MTUS2: variants seen among roughly 807,000 people sequenced by gnomAD.
MTUS2 encodes the protein microtubule-associated tumor suppressor candidate 2.
MTUS2 carries 40 observed loss-of-function variants against 114.1 expected under a neutral mutation model. The ratio of observed to expected loss-of-function variants is 0.35; its 90% CI spans 0.27 to 0.46. The LOEUF (loss-of-function observed/expected upper bound fraction) is 0.46. Ranked by LOEUF, MTUS2 falls within the 20% of genes least tolerant of loss-of-function variation. The probability of loss-of-function intolerance (pLI) is 1.00; values close to 1 mark genes in which losing one functional copy is unlikely to be tolerated. For synonymous variants in MTUS2, 688 were observed against 672.0 expected (o/e 1.02, Z -0.37); for missense variants, 1,679 against 1,705.4 (o/e 0.98, Z 0.27).
At chr13:29,450,065 G>A (rs1878581343) in intron 9 of MTUS2, among the ~76,000 whole-genome samples, 1 of 152,208 alleles carries the variant, frequency 6.6e-6, no homozygotes, top group Admixed American at 6.5e-5. Context: ...CACTTGGTGT[G>A]ACAGTCATCA....
At chr13:29,383,941 C>T (rs538079264) in intron 8 of MTUS2, among the ~76,000 whole-genome samples, 1 of 152,088 alleles carries the variant, frequency 6.6e-6, no homozygotes, top group African/African-American at 2.4e-5. Context: ...CTCAGCAAAA[C>T]ATATAAAGTA....
chr13:29,415,572 T>C (rs1875604343), intron 8 of MTUS2, among the ~76,000 whole-genome samples: 1 of 152,218 alleles, frequency 6.6e-6, no homozygotes, highest in Non-Finnish European at 1.5e-5. Flanking sequence ...TCTATCCATT[T>C]ATAATTTGCC....
At chr13:29,488,070 A>AGCAG in intron 11 of MTUS2, 65 bp downstream of exon 11, 1 of 1,219,438 alleles carries the variant, frequency 8.2e-7, no homozygotes, top group Non-Finnish European at 1.2e-6. Context: ...TTCCTGCTGC[A>AGCAG]GATGTGTGGA....
chr13:28,863,387 G>A (rs946098908), intron 2 of MTUS2, among the ~76,000 whole-genome samples: 1 of 152,204 alleles, frequency 6.6e-6, no homozygotes, highest in Non-Finnish European at 1.5e-5. Flanking sequence ...TTCCCACCAT[G>A]AGCCTTTATA....
intron 7 of MTUS2, among the ~76,000 whole-genome samples, chr13:29,352,791 CATT>C (rs1163608933): frequency 3.9e-5 from 6 of 152,290 alleles, no homozygotes; most frequent in African/African-American, 1.4e-4. Context: ...TGCCTACTAT[CATT>C]AATGCTGCTA....
intron 6 of MTUS2, among the ~76,000 whole-genome samples, chr13:29,299,863 A>G (rs1020617789): frequency 6.7e-6 from 1 of 149,696 alleles, no homozygotes; most frequent in Non-Finnish European, 1.5e-5. Flanking sequence ...TAAAGACAGC[A>G]TGAAAAAAAA....
intron 8 of MTUS2, among the ~76,000 whole-genome samples, chr13:29,365,915 C>T (rs1870670440): frequency 6.6e-6 from 1 of 152,226 alleles, no homozygotes; most frequent in Non-Finnish European, 1.5e-5. Flanking sequence ...AAAATCATGA[C>T]TCTCTAACAA....
chr13:28,914,625 A>G (rs987073653), intron 2 of MTUS2, among the ~76,000 whole-genome samples: 1 of 152,066 alleles, frequency 6.6e-6, no homozygotes, highest in Non-Finnish European at 1.5e-5. Context: ...AGTTGAGTTC[A>G]GGTCCTGAAT....
intron 9 of MTUS2, among the ~76,000 whole-genome samples, chr13:29,442,050 G>C (rs1421276057): frequency 2.6e-5 from 4 of 152,122 alleles, no homozygotes; most frequent in African/African-American, 9.7e-5. Flanking sequence ...TGACCTTCAG[G>C]TCAGTTCCCA....
chr13:29,320,464 G>A (rs1434239396), intron 6 of MTUS2, among the ~76,000 whole-genome samples: 1 of 152,210 alleles, frequency 6.6e-6, no homozygotes, highest in African/African-American at 2.4e-5. Flanking sequence ...AACAGAATGA[G>A]CTGAAATTGA....
chr13:29,465,128 G>A (rs986445962), intron 9 of MTUS2, among the ~76,000 whole-genome samples: 1 of 152,156 alleles, frequency 6.6e-6, no homozygotes, highest in African/African-American at 2.4e-5. Flanking sequence ...TAGAGCAGCC[G>A]GCACAGAATG....
At chr13:29,111,174 G>A (rs938099159) in intron 5 of MTUS2, among the ~76,000 whole-genome samples, 5 of 152,166 alleles carry the variant, frequency 3.3e-5, no homozygotes, top group South Asian at 2.1e-4. Context: ...GGTGAATAAA[G>A]TAGTTTGGAG....
intron 8 of MTUS2, among the ~76,000 whole-genome samples, chr13:29,370,651 C>T (rs774686969): frequency 6.6e-6 from 1 of 152,164 alleles, no homozygotes; most frequent in Non-Finnish European, 1.5e-5. Context: ...CAGTGCTATG[C>T]TCTTGGACTT....
At chr13:28,977,613 A>G (rs1429220319) in intron 2 of MTUS2, among the ~76,000 whole-genome samples, 1 of 152,194 alleles carries the variant, frequency 6.6e-6, no homozygotes, top group Non-Finnish European at 1.5e-5. Flanking sequence ...GTAGCTTCAC[A>G]TGTACATCAA....
intron 2 of MTUS2, among the ~76,000 whole-genome samples, chr13:28,941,600 A>G (rs1357601567): frequency 3.3e-5 from 5 of 152,106 alleles, no homozygotes; most frequent in Admixed American, 6.5e-5. Context: ...ATAGAAGACA[A>G]CATTTCTGTT....
At chr13:29,415,425 T>C (rs1875596630) in intron 8 of MTUS2, among the ~76,000 whole-genome samples, 1 of 152,230 alleles carries the variant, frequency 6.6e-6, no homozygotes, top group African/African-American at 2.4e-5. Flanking sequence ...TACATCTTCA[T>C]CACGATTTTG....
At chr13:29,140,618 G>A (rs1215051338) in intron 5 of MTUS2, among the ~76,000 whole-genome samples, 1 of 152,208 alleles carries the variant, frequency 6.6e-6, no homozygotes, top group African/African-American at 2.4e-5. Context: ...CCTGGAAGAT[G>A]ATCACCCAAA....
At chr13:29,215,295 T>C (rs983945820) in intron 5 of MTUS2, among the ~76,000 whole-genome samples, 12 of 152,026 alleles carry the variant, frequency 7.9e-5, no homozygotes, top group Non-Finnish European at 1.3e-4. Context: ...CTTCCTCATA[T>C]TGGGTTAGGA....
At chr13:29,420,065 A>C (rs1452723665) in intron 8 of MTUS2, among the ~76,000 whole-genome samples, 1 of 152,164 alleles carries the variant, frequency 6.6e-6, no homozygotes, top group East Asian at 1.9e-4. Flanking sequence ...TTAGAAAACC[A>C]TTCCAGAAAC....
Sources: gnomAD v4.1 joint callset for allele counts (sites outside exome capture counted in the v4.1 genomes callset) on GRCh38, gnomAD v4.1.1 for gene constraint, MANE v1.5 for transcripts, NCBI Gene and HGNC (gene_info 2026-07-23, HGNC 2026-07-21) for gene names.